The following GALNT17 variants were observed in gnomAD, a reference collection of about 807,000 sequenced individuals.
The protein encoded by GALNT17 is polypeptide N-acetylgalactosaminyltransferase 17, also known as UDP-GalNAc:polypeptide N-acetylgalactosaminyltransferase-like 3.
Under a neutral mutation model 63.7 loss-of-function variants are expected in GALNT17, and 29 were observed. That is an observed-to-expected ratio of 0.46 (90% CI 0.34 to 0.62). The LOEUF is 0.62. GALNT17 is among the 20% of genes least tolerant of loss of function. GALNT17 has a pLI of 0.01. For missense variants in GALNT17, 603 were observed against 799.6 expected, an observed-to-expected ratio of 0.75 and a Z score of 2.97; for synonymous variants, 305 against 318.3, an observed-to-expected ratio of 0.96 and a Z score of 0.45.
chr7:71,300,057 C>T (rs1791165732), intron 1 of GALNT17, among the ~76,000 whole-genome samples: 1 of 152,130 alleles, frequency 6.6e-6, no homozygotes, highest in African/African-American at 2.4e-5. Context: ...GGATCAGAGT[C>T]GTAAGCCACT....
Position 71,233,451 on chromosome 7 carries a change from G to T in GALNT17, c.238+100411G>T, listed in dbSNP as rs562564573. Among the ~76,000 whole-genome samples the T allele has an allele frequency of 3.3e-5, 5 of 152,346 alleles. No homozygotes were observed. The South Asian group carries it at 1.0e-3, about 32-fold the overall frequency. ...CAGCTGAAAGTTACCTTCAACAGAAGTAGACCTTAGAAGGCCAATGAATTA... is the reference window on the plus strand; with the variant it reads ...CAGCTGAAAGTTACCTTCAACAGAATTAGACCTTAGAAGGCCAATGAATTA... On this transcript the variant is annotated intron_variant, in intron 1 of 10. Coordinates refer to ENST00000333538, the MANE Select transcript of GALNT17 (RefSeq NM_022479.3).
intron 5 of GALNT17, among the ~76,000 whole-genome samples, chr7:71,438,074 G>T (rs1417582524): frequency 1.3e-5 from 2 of 152,130 alleles, no homozygotes; most frequent in Non-Finnish European, 2.9e-5. Flanking sequence ...TTACTTCCCT[G>T]TAAAATGGTG....
intron 5 of GALNT17, among the ~76,000 whole-genome samples, chr7:71,474,398 C>A (rs1471806748): frequency 6.6e-6 from 1 of 152,096 alleles, no homozygotes; most frequent in Non-Finnish European, 1.5e-5. Flanking sequence ...TAGGTCTCAG[C>A]CTTATTTTAC....
At chr7:71,672,311 A>T (rs941674893) in intron 8 of GALNT17, among the ~76,000 whole-genome samples, 1 of 152,212 alleles carries the variant, frequency 6.6e-6, no homozygotes, top group South Asian at 2.1e-4. Context: ...GTAGCATTAC[A>T]TGAAAGAAAT....
intron 1 of GALNT17, among the ~76,000 whole-genome samples, chr7:71,214,373 T>TAC (rs969354091): frequency 2.4e-4 from 36 of 152,232 alleles, no homozygotes; most frequent in African/African-American, 8.7e-4. Context: ...GAGAAAAGGC[T>TAC]TGTTTGTTAC....
intron 9 of GALNT17, among the ~76,000 whole-genome samples, chr7:71,708,737 G>A (rs1406737751): frequency 6.6e-6 from 1 of 152,064 alleles, no homozygotes; most frequent in Non-Finnish European, 1.5e-5. Context: ...GGCATTCCCA[G>A]TGTCTGTAAT....
At chr7:71,693,204 T>C (rs1028766256) in intron 9 of GALNT17, among the ~76,000 whole-genome samples, 42 of 138,328 alleles carry the variant, frequency 3.0e-4, no homozygotes, top group African/African-American at 1.0e-3. Flanking sequence ...ATATAGTGTG[T>C]GTATATATAT....
intron 5 of GALNT17, among the ~76,000 whole-genome samples, chr7:71,550,032 T>C (rs1409965177): frequency 1.3e-5 from 2 of 151,708 alleles, no homozygotes; most frequent in Non-Finnish European, 2.9e-5. Context: ...ATGTACAAAA[T>C]AACTACTAGC....
chr7:71,654,684 GAA>G (rs869221977), intron 6 of GALNT17, among the ~76,000 whole-genome samples: 1 of 101,012 alleles, frequency 9.9e-6, no homozygotes, highest in Non-Finnish European at 2.4e-5. Flanking sequence ...AGACAGTGGT[GAA>G]ATCTTTAACT....
intron 1 of GALNT17, among the ~76,000 whole-genome samples, chr7:71,235,279 T>A (rs1789867352): frequency 6.6e-6 from 1 of 151,928 alleles, no homozygotes; most frequent in Non-Finnish European, 1.5e-5. Context: ...TTTGGTCTGT[T>A]CGTTTTAGGT....
At chr7:71,699,965 A>G (rs1240368321) in intron 9 of GALNT17, among the ~76,000 whole-genome samples, 1 of 152,056 alleles carries the variant, frequency 6.6e-6, no homozygotes, top group African/African-American at 2.4e-5. Flanking sequence ...GTGTCAGTGT[A>G]TGATGATAAA....
chr7:71,381,024 G>A (rs1417857045), intron 2 of GALNT17, among the ~76,000 whole-genome samples: 2 of 151,484 alleles, frequency 1.3e-5, no homozygotes, highest in Admixed American at 6.6e-5. Flanking sequence ...GCAGAGGCGC[G>A]ATATTGACTC....
At chr7:71,219,340 T>C (rs900805443) in intron 1 of GALNT17, among the ~76,000 whole-genome samples, 4 of 152,150 alleles carry the variant, frequency 2.6e-5, no homozygotes, top group African/African-American at 7.2e-5. Flanking sequence ...GTGTATCTCT[T>C]TCTTATTTTT....
chr7:71,217,142 T>TTA (rs1789497751), intron 1 of GALNT17, among the ~76,000 whole-genome samples: 1 of 140,076 alleles, frequency 7.1e-6, no homozygotes, highest in African/African-American at 2.9e-5. Context: ...TTTTTCGTGT[T>TTA]TTGTTTTTTT....
At chr7:71,354,526 A>G (rs916119848) in intron 2 of GALNT17, among the ~76,000 whole-genome samples, 1 of 152,176 alleles carries the variant, frequency 6.6e-6, no homozygotes, top group Admixed American at 6.5e-5. Context: ...ATTTTGCATT[A>G]TAATAGTGGA....
At chr7:71,255,949 A>G (rs1790281410) in intron 1 of GALNT17, among the ~76,000 whole-genome samples, 1 of 152,176 alleles carries the variant, frequency 6.6e-6, no homozygotes, top group Non-Finnish European at 1.5e-5. Context: ...GAAGCTGGAC[A>G]TACCTCATTA....
At chr7:71,216,540 GTATATTATACA>G (rs1490127985) in intron 1 of GALNT17, among the ~76,000 whole-genome samples, 1 of 151,520 alleles carries the variant, frequency 6.6e-6, no homozygotes, top group Non-Finnish European at 1.5e-5. Context: ...ACACATATAC[GTATATTATACA>G]TATGTAACAC....
chr7:71,142,988 A>G (rs1198411588), intron 1 of GALNT17, among the ~76,000 whole-genome samples: 1 of 150,078 alleles, frequency 6.7e-6, no homozygotes, highest in Non-Finnish European at 1.5e-5. Flanking sequence ...GGAAGTAGGG[A>G]GGCTTGAACT....
At chr7:71,568,129 C>T (rs1211354045) in intron 5 of GALNT17, among the ~76,000 whole-genome samples, 1 of 152,210 alleles carries the variant, frequency 6.6e-6, no homozygotes, top group Admixed American at 6.5e-5. Context: ...AACGGTGTTT[C>T]TGGCCTTTGG....
Sources: gnomAD v4.1 joint callset for allele counts (sites outside exome capture counted in the v4.1 genomes callset) on GRCh38, gnomAD v4.1.1 for gene constraint, MANE v1.5 for transcripts, NCBI Gene and HGNC (gene_info 2026-07-23, HGNC 2026-07-21) for gene names.